Variants in TEF observed in about 807,000 individuals in gnomAD.
TEF encodes thyrotroph embryonic factor.
A neutral mutation model predicts 20.8 loss-of-function variants in TEF; 3 were observed. The observed-to-expected ratio is 0.14, with a 90% CI of 0.07 to 0.37. The LOEUF (loss-of-function observed/expected upper bound fraction) is 0.37. Among genes scored for constraint, TEF ranks in the 10% least tolerant of loss-of-function variants. The pLI is 1.00. For missense variants in TEF, 296 were observed against 397.9 expected, an observed-to-expected ratio of 0.74 and a Z score of 2.18; for synonymous variants, 180 against 171.1, an observed-to-expected ratio of 1.05 and a Z score of -0.41.
At chr22:41,386,872 C>T (rs909857219) in intron 1 of TEF, among the ~76,000 whole-genome samples, 1 of 151,916 alleles carries the variant, frequency 6.6e-6, no homozygotes, top group Non-Finnish European at 1.5e-5. Context: ...AGTAAAACCC[C>T]ATCTCTACTA....
At chr22:41,388,450 G>A (rs1358232195) in intron 2 of TEF, among the ~76,000 whole-genome samples, 1 of 151,940 alleles carries the variant, frequency 6.6e-6, no homozygotes, top group African/African-American at 2.4e-5. Context: ...TTGAACTCCT[G>A]ACCTCAGGTG....
At chr22:41,394,406 C>A in intron 3 of TEF, 90 bp downstream of exon 3, 1 of 1,243,576 alleles carries the variant, frequency 8.0e-7, no homozygotes, top group Non-Finnish European at 1.1e-6. Flanking sequence ...ATCTGGAGAG[C>A]CTTCCCTCCT....
At chr22:41,387,221 G>T in intron 1 of TEF, 130 bp from the exon 2 acceptor site, 1 of 1,012,964 alleles carries the variant, frequency 9.9e-7, no homozygotes, top group South Asian at 1.6e-5. Context: ...AATAGAGTAG[G>T]TTCTTGAAAT....
intron 2 of TEF, 116 bp downstream of exon 2, chr22:41,387,784 G>T (rs2037115860): frequency 9.1e-7 from 1 of 1,093,664 alleles, no homozygotes; most frequent in Non-Finnish European, 1.3e-6. Flanking sequence ...GGAGGTCCTG[G>T]TGGGGCTGCA....
intron 1 of TEF, among the ~76,000 whole-genome samples, chr22:41,375,280 G>A (rs556520533): frequency 6.6e-6 from 1 of 152,146 alleles, no homozygotes; most frequent in East Asian, 1.9e-4. Context: ...CTTCTCCCCT[G>A]GAACACACTG....
chr22:41,395,918 G>T lies in TEF; in HGVS notation c.870G>T (p.Lys290Asn). 5 of 1,614,122 alleles carry T rather than the reference G, an allele frequency of 3.1e-6. No individual in the cohort carries two copies. Among genetic ancestry groups the T allele is most frequent in the Non-Finnish European group, 4.2e-6 (5 of 1,179,972 alleles). ...TACGCAAGGAGGTGGGCAAGTGCAA[G>T]ACCATCGTGTCCAAGTATGAGACCA... ...AELRKEVGKCKTIVSKYETKY... is the reference protein window; with the variant it reads ...AELRKEVGKCNTIVSKYETKY... Residue 290 changes from lysine to asparagine, a missense_variant, in exon 4 of 4, where the codon AAG (lysine) becomes AAT (asparagine). Lys to Asn is a moderately conservative substitution (Grantham distance 94). Transcript: ENST00000266304.
chr22:41,383,132 G>A lies in TEF; in HGVS notation c.157+931G>A, dbSNP rs531831827. ...GAGCCATCAGTTATTCAGGGTTTGG[G>A]AAAGGGATAGGCCTTCGAGAGTTGT... On this transcript the variant is annotated intron_variant, in intron 1 of 3. Transcript: ENST00000266304. 1,980 of 443,684 alleles carry A rather than the reference G, an allele frequency of 4.5e-3. 14 individuals are homozygous for A. The highest frequency in any genetic ancestry group is 7.0e-3 in the Middle Eastern group (11 of 1,572). 27.5% of individuals were successfully genotyped at this position (443,684 alleles called of 1,614,324 possible). A position where few individuals can be genotyped will look rare whatever the true frequency, so the allele number is the denominator to read the frequency against.
At chr22:41,378,578 T>C (rs1485619716), upstream of TEF, among the ~76,000 whole-genome samples, 1 of 152,088 alleles carries the variant, frequency 6.6e-6, no homozygotes, top group African/African-American at 2.4e-5. Context: ...TCTCCTGATC[T>C]TGTGATCCTC....
Position 41,395,802 on chromosome 22 carries a change from G to T in TEF, c.754G>T (p.Asp252Tyr). 1 of 1,614,194 alleles carries T rather than the reference G, an allele frequency of 6.2e-7. No individual in the cohort carries two copies. The highest frequency in any genetic ancestry group is 8.5e-7 in the Non-Finnish European group (1 of 1,180,032). The change falls in exon 4 of 4, where the codon GAT becomes TAT. Residue 252 changes from aspartate to tyrosine, a missense_variant. Physicochemically the swap from Asp to Tyr is radical, Grantham distance 160. Around this residue, in one of 2 missense-constraint regions of TEF, gnomAD observed 194 missense variants for 317.8 expected, o/e 0.61. Coordinates refer to ENST00000266304, the MANE Select transcript of TEF (RefSeq NM_003216.4). ...CAACGTGGCAGCTAAACGGTCACGG[G>T]ATGCCCGGCGCCTGAAAGAGAATCA... ...KNNVAAKRSR[D>Y]ARRLKENQIT...
chr22:41,393,403 C>T (rs1277134510), intron 2 of TEF, among the ~76,000 whole-genome samples: 9 of 150,760 alleles, frequency 6.0e-5, no homozygotes, highest in Admixed American at 5.3e-4. Context: ...CCTGGAGAGA[C>T]ACAGCTGTTT....
chr22:41,373,007 G>A (rs2036901089), intron 1 of TEF, among the ~76,000 whole-genome samples: 1 of 152,170 alleles, frequency 6.6e-6, no homozygotes, highest in African/African-American at 2.4e-5. Flanking sequence ...GAGACCCGAA[G>A]GGCGAGCACC....
chr22:41,377,936 A>C (rs2036963967), upstream of TEF, among the ~76,000 whole-genome samples: 1 of 152,170 alleles, frequency 6.6e-6, no homozygotes, highest in African/African-American at 2.4e-5. Flanking sequence ...CTACAGCTAA[A>C]AAAAGAAAAT....
Position 41,387,332 on chromosome 22 carries a change from G to T in TEF, c.158-19G>T. On this transcript the variant is annotated intron_variant, in intron 1 of 3. Transcript: ENST00000266304. ...TTACTCTCCTGTGTGGTATTTCATC[G>T]CAGATTTTGTTTCTGCAGATAAGGA... 5.0e-6 allele frequency: 8 copies of T among 1,613,250 alleles called. No homozygotes were observed. The highest frequency in any genetic ancestry group is 1.1e-5 in the South Asian group (1 of 91,014).
chr22:41,393,794 A>T lies in TEF; in HGVS notation c.476-302A>T, dbSNP rs560702019. Among the ~76,000 whole-genome samples, 44 of 151,800 alleles carry T rather than the reference A, an allele frequency of 2.9e-4. No individual in the cohort carries two copies. In the East Asian group the frequency reaches 7.9e-3, roughly 27 times the overall value. On this transcript the variant is annotated intron_variant, in intron 2 of 3. Coordinates refer to ENST00000266304, the MANE Select transcript of TEF (RefSeq NM_003216.4). The stretch of plus-strand genomic sequence containing the variant: ...ATCTCAAAAAAAAAAAAAAAAAAAA[A>T]TTAATGTTTTGCTTAACATTTCTGG...
At chr22:41,375,044 T>A (rs2036923970) in intron 1 of TEF, among the ~76,000 whole-genome samples, 2 of 152,168 alleles carry the variant, frequency 1.3e-5, no homozygotes, top group South Asian at 4.1e-4. Context: ...CTCTGTCCCC[T>A]CCAGCACGTC....
At chr22:41,383,112 A>G (rs539308314) in intron 1 of TEF, 11 of 456,846 alleles carry the variant, frequency 2.4e-5, no homozygotes, top group Middle Eastern at 5.0e-4. Context: ...TCCAAGAGCC[A>G]TCAGTTATTC....
chr22:41,382,073 C>T lies in TEF; in HGVS notation c.29C>T (p.Pro10Leu), dbSNP rs757493030. 1 of 1,231,558 alleles carries T rather than the reference C, an allele frequency of 8.1e-7. No homozygotes were observed. Among genetic ancestry groups the T allele is most frequent in the Non-Finnish European group, 1.0e-6 (1 of 987,702 alleles). 76.3% of individuals were successfully genotyped at this position (1,231,558 alleles called of 1,614,324 possible). ...TCCGACGCGGGCGGCGGAAAGAAGC[C>T]GCCTGTGGACCCGCAGGCAGGACCC... is the stretch of plus-strand genomic sequence containing the variant. The part of the protein sequence containing the change: MSDAGGGKK[P>L]PVDPQAGPGP... Residue 10 changes from proline to leucine, a missense_variant, in exon 1 of 4, where the codon CCG (proline) becomes CTG (leucine). By Grantham distance (98) the Pro-to-Leu change is moderately conservative (BLOSUM62 -3). Transcript: ENST00000266304.
At chr22:41,386,936 C>T (rs562447020) in intron 1 of TEF, among the ~76,000 whole-genome samples, 1 of 150,264 alleles carries the variant, frequency 6.7e-6, no homozygotes, top group Middle Eastern at 3.3e-3. Context: ...CCCAGCTACT[C>T]GGGAGTCTGA....
Position 41,395,774 on chromosome 22 carries a change from G to C in TEF, c.726G>C (p.Lys242Asn), listed in dbSNP as rs1287835688. 21 of 1,614,038 alleles carry C rather than the reference G, an allele frequency of 1.3e-5. No homozygotes were observed. Among genetic ancestry groups the C allele is most frequent in the Non-Finnish European group, 1.8e-5 (21 of 1,180,040 alleles). Residue 242 changes from lysine to asparagine, a missense_variant, in exon 4 of 4, where the codon AAG becomes AAC. This residue lies in a region of TEF where 194 missense variants were observed against 317.8 expected (regional missense o/e 0.61). Coordinates refer to ENST00000266304, the MANE Select transcript of TEF (RefSeq NM_003216.4). ...KDEKYWTRRK[K>N]NNVAAKRSRD... ...AAAAGTACTGGACAAGACGCAAGAA[G>C]AACAACGTGGCAGCTAAACGGTCAC...
Sources: gnomAD v4.1 joint callset for allele counts (sites outside exome capture counted in the v4.1 genomes callset) on GRCh38, gnomAD v4.1.1 for gene constraint, gnomAD v4.1.1 regional missense constraint, MANE v1.5 for transcripts, NCBI Gene and HGNC (gene_info 2026-07-23, HGNC 2026-07-21) for gene names.